The following ANKMY1 variants were observed in gnomAD, a reference collection of about 807,000 sequenced individuals.
ANKMY1 encodes the protein ankyrin repeat and MYND domain-containing protein 1.
Under a neutral mutation model 102.0 loss-of-function variants are expected in ANKMY1, and 98 were observed. The ratio of observed to expected loss-of-function variants is 0.96; its 90% CI spans 0.82 to 1.14. ANKMY1 has a LOEUF of 1.14. ANKMY1 is among the 50% of genes most tolerant of loss of function. The probability of loss-of-function intolerance (pLI) is 0.00; values close to 1 mark genes in which losing one functional copy is unlikely to be tolerated. For synonymous variants in ANKMY1, 582 were observed against 559.9 expected, an observed-to-expected ratio of 1.04 and a Z score of -0.56; for missense variants, 1,330 against 1,347.6, an observed-to-expected ratio of 0.99 and a Z score of 0.20.
intron 4 of ANKMY1, among the ~76,000 whole-genome samples, chr2:240,549,772 C>T (rs2091166775): frequency 6.6e-6 from 1 of 152,218 alleles, no homozygotes; most frequent in African/African-American, 2.4e-5. Flanking sequence ...AAAATGTTCA[C>T]CATCACTGGC....
intron 8 of ANKMY1, 181 bp downstream of exon 8, chr2:240,523,704 G>T: frequency 2.9e-6 from 3 of 1,035,908 alleles, no homozygotes; most frequent in Admixed American, 5.8e-5. Flanking sequence ...CCGTCACCGT[G>T]GCACCCCCAC....
chr2:240,479,556 G>A lies in ANKMY1; in HGVS notation c.*53C>T, dbSNP rs1049739858. The A allele has an allele frequency of 6.5e-7, 1 of 1,548,380 alleles. No homozygotes were observed. Among genetic ancestry groups the A allele is most frequent in the South Asian group, 1.1e-5 (1 of 87,056 alleles). On this transcript the variant is annotated 3_prime_UTR_variant, in exon 18 of 18. Coordinates refer to ENST00000401804, the MANE Select transcript of ANKMY1 (RefSeq NM_001282771.3). ...TCCCTGAGGTGGCTCAGGCAGGTAA[G>A]AAACCCACACAGTCCTGGGTCCTCC... is the stretch of plus-strand genomic sequence containing the variant.
rs528225325 is a variant in ANKMY1 at position 240,520,391 on chromosome 2, C to G, written c.1975G>C (p.Ala659Pro). Residue 659 changes from alanine (A) to proline (P), a missense_variant, in exon 9 of 18, where the codon GCG becomes CCG. By Grantham distance (27) the Ala-to-Pro change is conservative. Transcript: ENST00000401804. This position sits in a 1 kb window ranked among gnomAD's most constrained non-coding sequence, Gnocchi z 4.8. ...GGCGGAAAGCAGATGTCGGTCCTCGCCCCGTGCTCCAGCAGCAGCCTCACC... is the reference window on the plus strand; with the variant it reads ...GGCGGAAAGCAGATGTCGGTCCTCGGCCCGTGCTCCAGCAGCAGCCTCACC... ...DGVRLLLEHGARTDICFPPQL... is the reference protein window; with the variant it reads ...DGVRLLLEHGPRTDICFPPQL... The G allele has an allele frequency of 6.3e-7, 1 of 1,585,764 alleles. No individual in the cohort carries two copies. The highest frequency in any genetic ancestry group is 1.3e-5 in the African/African-American group (1 of 74,332).
chr2:240,542,720 C>CTA (rs71404655), intron 4 of ANKMY1, among the ~76,000 whole-genome samples: 10,847 of 144,796 alleles, frequency 0.075, 508 homozygotes, highest in Middle Eastern at 0.19. Flanking sequence ...ATGTTTATAT[C>CTA]TATATATATA....
chr2:240,560,973 G>A, upstream of ANKMY1: 2 of 1,519,002 alleles, frequency 1.3e-6, no homozygotes, highest in East Asian at 2.7e-5. Flanking sequence ...GCGCGCCGGC[G>A]GCGCCTGCCT....
In ANKMY1 at chr2:240,552,974, T is replaced by C; in HGVS notation, c.420A>G (p.Thr140=). 6.2e-7 allele frequency: 1 copy of C among 1,613,944 alleles called. No homozygotes were observed. Among genetic ancestry groups the C allele is most frequent in the Non-Finnish European group, 8.5e-7 (1 of 1,179,988 alleles). Reference sequence around the variant, plus strand: ...AGCCTTCTCGGTGGCTGAGGTAAAATGTGCCCGTGAAACTGGAGCCATCTG... The same window carrying C: ...AGCCTTCTCGGTGGCTGAGGTAAAACGTGCCCGTGAAACTGGAGCCATCTG... ...MWPDGSSFTG[T]FYLSHREGYG... Residue 140 remains threonine, a synonymous_variant, in exon 4 of 18, where the codon ACA becomes ACG. Transcript: ENST00000401804.
chr2:240,536,458 G>T (rs933876414), intron 4 of ANKMY1, among the ~76,000 whole-genome samples: 1 of 152,248 alleles, frequency 6.6e-6, no homozygotes, highest in Non-Finnish European at 1.5e-5. Context: ...GCACAGCAGC[G>T]CCACTCATTT....
chr2:240,520,527 C>T lies in ANKMY1; in HGVS notation c.1839G>A (p.Arg613=). Residue 613 remains arginine, a synonymous_variant, in exon 9 of 18, where the codon AGG becomes AGA. Transcript: ENST00000401804. This position sits in a 1 kb window ranked among gnomAD's most constrained non-coding sequence, Gnocchi z 4.8. ...GCAGCTTGATGGTCCGCCAGCGCTT[C>T]CTCCGCCTGAAAAAGACGGTGCGCC... is the stretch of plus-strand genomic sequence containing the variant. The part of the protein sequence containing the change: ...RRMALSMIER[R]KRWRTIKLLL... 6.2e-7 allele frequency: 1 copy of T among 1,611,470 alleles called. No homozygotes were observed.
upstream of ANKMY1, chr2:240,560,686 T>C (rs1227362981): frequency 2.6e-6 from 4 of 1,521,212 alleles, no homozygotes; most frequent in Non-Finnish European, 2.6e-6. Context: ...GCGGGCGCCA[T>C]GGGACCGGCA....
chr2:240,561,040 T>A (rs1032543680), upstream of ANKMY1: 7 of 1,524,592 alleles, frequency 4.6e-6, no homozygotes, highest in South Asian at 3.7e-5. Flanking sequence ...GCGTACCTCA[T>A]GCGGCACCGC....
chr2:240,476,101 T>C (rs1389152199), downstream of ANKMY1, among the ~76,000 whole-genome samples: 1 of 152,210 alleles, frequency 6.6e-6, no homozygotes, highest in Admixed American at 6.5e-5. Context: ...TTTTAAAGTA[T>C]ATTACAAAGC....
rs200434647 is a variant in ANKMY1 at position 240,491,091 on chromosome 2, C to CTT, written c.2807-8832_2807-8831dup. The stretch of plus-strand genomic sequence containing the variant: ...CTTTATCGTTATATAATGACTTTGT[C>CTT]TTTTTTTTTTTTTTTTTACTCTTCC... On this transcript the variant is annotated intron_variant, in intron 15 of 17. Coordinates refer to ENST00000401804, the MANE Select transcript of ANKMY1 (RefSeq NM_001282771.3). Among the ~76,000 whole-genome samples the CTT allele has an allele frequency of 1.6e-3, 207 of 129,578 alleles. 1 individual carries two copies. The highest frequency in any genetic ancestry group is 1.6e-3 in the Non-Finnish European group (94 of 60,300). 85.0% of individuals were successfully genotyped at this position (129,578 alleles called of 152,430 possible).
chr2:240,496,968 C>A (rs191613973), intron 15 of ANKMY1, among the ~76,000 whole-genome samples: 1 of 152,332 alleles, frequency 6.6e-6, no homozygotes, highest in African/African-American at 2.4e-5. Context: ...TATATAATTG[C>A]TGGCAGATTA....
intron 13 of ANKMY1, among the ~76,000 whole-genome samples, chr2:240,503,048 T>G (rs2078476413): frequency 6.6e-6 from 1 of 152,046 alleles, no homozygotes; most frequent in Non-Finnish European, 1.5e-5. Context: ...ATCAGCACAC[T>G]CTAGAAACCA....
At chr2:240,552,817 C>A (rs1486077050) in intron 4 of ANKMY1, 97 bp downstream of exon 4, 1 of 1,580,924 alleles carries the variant, frequency 6.3e-7, no homozygotes, top group East Asian at 2.2e-5. Flanking sequence ...TGTAGCTAAA[C>A]AAATAAACTT....
intron 4 of ANKMY1, among the ~76,000 whole-genome samples, chr2:240,539,294 T>TGGAGCAGAGGAACGAACAACTCC (rs2087915137): frequency 6.6e-6 from 1 of 151,250 alleles, no homozygotes; most frequent in South Asian, 2.1e-4. Context: ...CGAACAACTC[T>TGGAGCAGAGGAACGAACAACTCC]GGACCAGAGG....
the ANKMY1 span, among the ~76,000 whole-genome samples, chr2:240,471,346 C>T: frequency 1.3e-5 from 2 of 150,382 alleles, no homozygotes; most frequent in Non-Finnish European, 3.0e-5. Flanking sequence ...GCGACCTCTG[C>T]CTCCCGGGTT....
intron 15 of ANKMY1, among the ~76,000 whole-genome samples, chr2:240,495,714 G>C (rs1444481944): frequency 6.6e-6 from 1 of 151,984 alleles, no homozygotes; most frequent in Non-Finnish European, 1.5e-5. Context: ...GTTGTCCCCC[G>C]GGCCCAGCTG....
At chr2:240,470,225 G>T in the ANKMY1 span, among the ~76,000 whole-genome samples, 1 of 152,208 alleles carries the variant, frequency 6.6e-6, no homozygotes, top group Non-Finnish European at 1.5e-5. Flanking sequence ...CCTTCCTCCT[G>T]CCCTAAGCCA....
Sources: allele counts gnomAD v4.1 joint callset (sites outside exome capture counted in the v4.1 genomes callset), GRCh38; gene constraint gnomAD v4.1.1; non-coding constraint Gnocchi (gnomAD v3.1); transcripts MANE v1.5; gene names NCBI Gene and HGNC (gene_info 2026-07-23, HGNC 2026-07-21).